The following XKR9 variants were observed in gnomAD, a reference collection of about 807,000 sequenced individuals.
XKR9 encodes the protein XK-related protein 9.
In XKR9, 32 loss-of-function variants were observed where a neutral mutation model predicts 32.0. The observed-to-expected ratio is 1.00, with a 90% CI of 0.76 to 1.34. XKR9 has a LOEUF of 1.34. XKR9 is among the 40% of genes most tolerant of loss of function. The pLI is 0.00. For missense variants in XKR9, 546 were observed against 429.7 expected (o/e 1.27, Z -2.39); for synonymous variants, 168 against 143.4 (o/e 1.17, Z -1.22).
At chr8:71,047,597 A>G in the XKR9 span, among the ~76,000 whole-genome samples, 3 of 152,218 alleles carry the variant, frequency 2.0e-5, no homozygotes, top group Non-Finnish European at 4.4e-5. Context: ...TCCCTTAGGT[A>G]ATATGCAATC....
chr8:71,025,985 G>C, the XKR9 span, among the ~76,000 whole-genome samples: 4 of 151,958 alleles, frequency 2.6e-5, no homozygotes, highest in East Asian at 7.7e-4. Flanking sequence ...TTAAATTCTT[G>C]AAGTCCTTAA....
chr8:70,730,349 A>G (rs1354100170), intron 4 of XKR9, among the ~76,000 whole-genome samples: 1 of 152,176 alleles, frequency 6.6e-6, no homozygotes, highest in Non-Finnish European at 1.5e-5. Context: ...ACCATAAGGT[A>G]ATATTTTTAT....
At chr8:70,907,303 C>G in the XKR9 span, among the ~76,000 whole-genome samples, 1 of 152,048 alleles carries the variant, frequency 6.6e-6, no homozygotes, top group Non-Finnish European at 1.5e-5. Context: ...CAAAGCATTG[C>G]TATTATGCTG....
At chr8:71,033,361 TTAGA>T in the XKR9 span, among the ~76,000 whole-genome samples, 1 of 152,198 alleles carries the variant, frequency 6.6e-6, no homozygotes, top group Non-Finnish European at 1.5e-5. Context: ...ATGTGAAGGC[TTAGA>T]TAGTCCTAGG....
chr8:70,922,584 G>A, the XKR9 span, among the ~76,000 whole-genome samples: 4 of 152,092 alleles, frequency 2.6e-5, no homozygotes, highest in African/African-American at 9.7e-5. Context: ...AGATGAAGAG[G>A]GCAAGATAAA....
downstream of XKR9, among the ~76,000 whole-genome samples, chr8:70,739,153 T>C (rs908886280): frequency 5.3e-5 from 8 of 152,124 alleles, no homozygotes; most frequent in African/African-American, 1.9e-4. Flanking sequence ...TGGGTGCTCC[T>C]GTATTGGGTG....
chr8:70,953,090 G>A, the XKR9 span, among the ~76,000 whole-genome samples: 3 of 152,296 alleles, frequency 2.0e-5, no homozygotes, highest in South Asian at 2.1e-4. Flanking sequence ...TTAGTCCTCA[G>A]CCTCTGTGTG....
chr8:70,968,144 A>G, the XKR9 span, among the ~76,000 whole-genome samples: 2 of 151,894 alleles, frequency 1.3e-5, no homozygotes, highest in African/African-American at 4.8e-5. Flanking sequence ...CTTTTTATTC[A>G]ATTTTCTCTA....
At chr8:70,730,816 C>G (rs56156614) in intron 4 of XKR9, among the ~76,000 whole-genome samples, 48,453 of 152,100 alleles carry the variant, frequency 0.32, 9,087 homozygotes, top group Non-Finnish European at 0.43. Flanking sequence ...TTCTATTGCT[C>G]TTCCCAGAAG....
At chr8:70,677,505 C>T (rs931000818) in intron 2 of XKR9, among the ~76,000 whole-genome samples, 4 of 152,116 alleles carry the variant, frequency 2.6e-5, no homozygotes, top group African/African-American at 7.2e-5. Flanking sequence ...CTATATTCCC[C>T]TCTCCCTTTA....
rs943014976 is a variant in XKR9, at chr8:70,687,488, G to A, written c.272+6158G>A. Among the ~76,000 whole-genome samples, 5 of 151,450 alleles carry A rather than the reference G, an allele frequency of 3.3e-5. No individual in the cohort carries two copies. The South Asian group carries it at 1.0e-3, about 32-fold the overall frequency. On this transcript the variant is annotated intron_variant, in intron 3 of 4. Transcript: ENST00000408926. ...GGGCTCAGGTGATCTTCCCATCTCA[G>A]CCACCTGAGTTGCTAGCATTACAGG...
At chr8:70,769,766 A>G (rs886335876) in intron 2 of XKR9, among the ~76,000 whole-genome samples, 6 of 151,776 alleles carry the variant, frequency 4.0e-5, no homozygotes, top group Admixed American at 1.3e-4. Context: ...CAAAGTTCTC[A>G]TGCTGTGTTT....
In XKR9 at chr8:70,750,932, G is replaced by C. The variant is rs181491631; in HGVS notation, n.353-38407G>C. Among the ~76,000 whole-genome samples, 6 of 152,276 alleles carry C rather than the reference G, an allele frequency of 3.9e-5. No homozygotes were observed. In the East Asian group the frequency reaches 1.2e-3, roughly 29 times the overall value. On this transcript the variant is annotated intron_variant and non_coding_transcript_variant, in intron 2 of 3. Transcript: ENST00000520273. ...ATTAATATTTAAACGAATGGACTTGGAGCAAAACATATTGCTCTCCGTAGT... is the reference window on the plus strand; with the variant it reads ...ATTAATATTTAAACGAATGGACTTGCAGCAAAACATATTGCTCTCCGTAGT...
At chr8:70,789,152 T>C (rs1210366939) in intron 2 of XKR9, among the ~76,000 whole-genome samples, 1 of 152,006 alleles carries the variant, frequency 6.6e-6, no homozygotes, top group Non-Finnish European at 1.5e-5. Flanking sequence ...CAAAACACAG[T>C]TTACGTGTAA....
the XKR9 span, among the ~76,000 whole-genome samples, chr8:71,019,115 G>A: frequency 6.6e-6 from 1 of 152,038 alleles, no homozygotes; most frequent in Non-Finnish European, 1.5e-5. Context: ...ATCCAAGGGG[G>A]AAATACCTTC....
At chr8:71,063,184 AG>A in the XKR9 span, among the ~76,000 whole-genome samples, 2 of 152,226 alleles carry the variant, frequency 1.3e-5, no homozygotes, top group African/African-American at 4.8e-5. Context: ...GCAAACTGGA[AG>A]ATGATGATGA....
chr8:70,758,294 C>T (rs1807258275), intron 2 of XKR9, among the ~76,000 whole-genome samples: 1 of 152,132 alleles, frequency 6.6e-6, no homozygotes, highest in South Asian at 2.1e-4. Flanking sequence ...CTCACTCTTA[C>T]CCTGACCACA....
the XKR9 span, among the ~76,000 whole-genome samples, chr8:71,063,760 A>G: frequency 6.6e-6 from 1 of 152,116 alleles, no homozygotes; most frequent in Non-Finnish European, 1.5e-5. Context: ...GCATTTTTGC[A>G]TTAACCATGG....
chr8:70,775,867 C>A (rs1241828917), intron 2 of XKR9, among the ~76,000 whole-genome samples: 1 of 151,856 alleles, frequency 6.6e-6, no homozygotes, highest in Non-Finnish European at 1.5e-5. Context: ...ACCTTAGCCT[C>A]CTGAGTAGCT....
Sources: allele counts gnomAD v4.1 joint callset (sites outside exome capture counted in the v4.1 genomes callset), GRCh38; gene constraint gnomAD v4.1.1; transcripts MANE v1.5; gene names NCBI Gene and HGNC (gene_info 2026-07-23, HGNC 2026-07-21).